Variants in PDE7A observed in about 807,000 individuals in gnomAD.
The protein encoded by PDE7A is high affinity 3',5'-cyclic-AMP phosphodiesterase 7A.
A neutral mutation model predicts 64.3 loss-of-function variants in PDE7A; 39 were observed. The observed-to-expected ratio is 0.61, with a 90% CI of 0.47 to 0.79. The LOEUF (loss-of-function observed/expected upper bound fraction) is 0.79. Ranked by LOEUF, PDE7A falls within the 30% of genes least tolerant of loss-of-function variation. The pLI is 0.00. For synonymous variants in PDE7A, 203 were observed against 206.8 expected (o/e 0.98, Z 0.16); for missense variants, 470 against 582.8 (o/e 0.81, Z 1.99).
At chr8:65,798,635 T>C (rs748926687) in intron 1 of PDE7A, among the ~76,000 whole-genome samples, 5 of 152,286 alleles carry the variant, frequency 3.3e-5, no homozygotes, top group Non-Finnish European at 5.9e-5. Context: ...GCTCAACATG[T>C]TTAATCATCA....
At position 65,754,820 on chromosome 8, in the gene PDE7A, C is replaced by T. The variant is rs544338058; in HGVS notation, c.284-7017G>A. ...TCTCTACTAAAAATACAAAAATAAG[C>T]TGGGCATGGTGGCATGCACCTGTAG... On this transcript the variant is annotated intron_variant, in intron 3 of 12. Coordinates refer to ENST00000401827, the MANE Select transcript of PDE7A (RefSeq NM_001242318.3). Among the ~76,000 whole-genome samples the T allele has an allele frequency of 5.4e-5, 8 of 149,240 alleles. No homozygotes were observed. The East Asian group carries it at 1.1e-3, about 20-fold the overall frequency.
At chr8:65,815,238 A>C (rs1810372211) in intron 1 of PDE7A, among the ~76,000 whole-genome samples, 1 of 152,232 alleles carries the variant, frequency 6.6e-6, no homozygotes, top group Non-Finnish European at 1.5e-5. Context: ...CCAGCTTTCG[A>C]GAGTTTAAAC....
chr8:65,771,589 C>T (rs753983690), intron 3 of PDE7A, among the ~76,000 whole-genome samples: 2 of 151,968 alleles, frequency 1.3e-5, no homozygotes, highest in Non-Finnish European at 2.9e-5. Context: ...GCTGGGCGCA[C>T]GCAGTGGCTC....
intron 3 of PDE7A, among the ~76,000 whole-genome samples, chr8:65,752,909 G>A (rs560018366): frequency 5.0e-4 from 76 of 151,794 alleles, no homozygotes; most frequent in Middle Eastern, 6.8e-3. Flanking sequence ...CTATCTTGTC[G>A]CCTTCCAAAT....
chr8:65,816,031 C>T (rs942186163), intron 1 of PDE7A, among the ~76,000 whole-genome samples: 1 of 152,082 alleles, frequency 6.6e-6, no homozygotes, highest in African/African-American at 2.4e-5. Flanking sequence ...CACTCTCCTA[C>T]TTCATTTTGG....
intron 1 of PDE7A, among the ~76,000 whole-genome samples, chr8:65,788,525 C>T (rs907984521): frequency 2.6e-5 from 4 of 152,218 alleles, no homozygotes; most frequent in African/African-American, 9.6e-5. Context: ...AGTGTTATTA[C>T]ATTTTCTCCG....
chr8:65,780,452 T>G (rs1809382308), intron 2 of PDE7A, among the ~76,000 whole-genome samples: 1 of 152,238 alleles, frequency 6.6e-6, no homozygotes, highest in South Asian at 2.1e-4. Flanking sequence ...CTTTGGTCTT[T>G]GGAAGCTCAG....
rs376164224 is a variant in PDE7A at position 65,745,424 on chromosome 8, A to G, written c.482T>C (p.Phe161Ser). ...VGNWNFDIFL[F>S]DRLTNGNSLV... is the part of the protein sequence containing the mutation. ...TCACTTACCATTTGTTAGTCTATCA[A>G]ATAGAAAGATATCAAAATTCCAATT... The change falls in exon 5 of 13, where the codon TTT (phenylalanine) becomes TCT (serine). Residue 161 changes from phenylalanine to serine, a missense_variant. Physicochemically the swap from Phe to Ser is radical, Grantham distance 155. Transcript: ENST00000401827. 6.4e-7 allele frequency: 1 copy of G among 1,570,632 alleles called. No homozygotes were observed. Among genetic ancestry groups the G allele is most frequent in the Admixed American group, 1.7e-5 (1 of 59,942 alleles).
At chr8:65,835,979 T>C (rs1340146177) in intron 1 of PDE7A, among the ~76,000 whole-genome samples, 2 of 152,200 alleles carry the variant, frequency 1.3e-5, no homozygotes, top group Non-Finnish European at 2.9e-5. Flanking sequence ...TAAACATATA[T>C]TAGCTCAGAA....
At chr8:65,822,692 A>G (rs1810571552) in intron 1 of PDE7A, among the ~76,000 whole-genome samples, 1 of 152,174 alleles carries the variant, frequency 6.6e-6, no homozygotes, top group Admixed American at 6.5e-5. Flanking sequence ...AAGTCAAATA[A>G]ATCAGTAGAG....
intron 1 of PDE7A, among the ~76,000 whole-genome samples, chr8:65,802,056 C>T (rs990553960): frequency 1.3e-5 from 2 of 152,184 alleles, no homozygotes; most frequent in Admixed American, 6.5e-5. Context: ...ATGATCAACA[C>T]TCTACAAAGA....
chr8:65,818,276 GT>G (rs973748693), intron 1 of PDE7A, among the ~76,000 whole-genome samples: 8 of 150,970 alleles, frequency 5.3e-5, no homozygotes, highest in Non-Finnish European at 1.0e-4. Context: ...AATTTTTTTT[GT>G]TGTTAAACCT....
intron 1 of PDE7A, among the ~76,000 whole-genome samples, chr8:65,803,879 G>C (rs1176473371): frequency 1.3e-5 from 2 of 152,124 alleles, no homozygotes; most frequent in Admixed American, 6.5e-5. Context: ...TAGGACAGAG[G>C]ATACGATTGG....
At chr8:65,752,105 T>G (rs1006321425) in intron 3 of PDE7A, among the ~76,000 whole-genome samples, 1 of 152,268 alleles carries the variant, frequency 6.6e-6, no homozygotes, top group Non-Finnish European at 1.5e-5. Flanking sequence ...CAGCTTGAGA[T>G]ATCATCCTCT....
At chr8:65,791,522 A>G (rs966376622) in intron 1 of PDE7A, among the ~76,000 whole-genome samples, 1 of 152,200 alleles carries the variant, frequency 6.6e-6, no homozygotes, top group African/African-American at 2.4e-5. Context: ...GGGAACTTGC[A>G]CTGTGTTTGC....
chr8:65,830,284 T>A (rs752767393), intron 1 of PDE7A, among the ~76,000 whole-genome samples: 2 of 151,986 alleles, frequency 1.3e-5, no homozygotes, highest in African/African-American at 2.4e-5. Flanking sequence ...CTTTTTCAAA[T>A]CAAGGTGTCA....
rs1057461094 is a variant in PDE7A, at chr8:65,716,783, AT to A, written c.*2506del. ...CTATGTACTGAAACAGTGGGCCTGA[AT>A]TTTTAAGGATCTGAGTTATCAGACT... On this transcript the variant is annotated 3_prime_UTR_variant, in exon 13 of 13. Coordinates refer to ENST00000401827, the MANE Select transcript of PDE7A (RefSeq NM_001242318.3). 6.6e-6 allele frequency among the ~76,000 whole-genome samples: 1 copy of A among 152,014 alleles called. No homozygotes were observed.
intron 6 of PDE7A, among the ~76,000 whole-genome samples, chr8:65,738,575 G>A (rs561044624): frequency 3.3e-5 from 5 of 152,224 alleles, no homozygotes; most frequent in East Asian, 3.9e-4. Flanking sequence ...GATTACAGGC[G>A]TGCGCCACCA....
intron 7 of PDE7A, among the ~76,000 whole-genome samples, chr8:65,729,736 T>C (rs1806765500): frequency 6.6e-6 from 1 of 151,746 alleles, no homozygotes; most frequent in East Asian, 1.9e-4. Flanking sequence ...CTTTTTTTTT[T>C]TTTTGGTACT....
Sources: allele counts gnomAD v4.1 joint callset (sites outside exome capture counted in the v4.1 genomes callset), GRCh38; gene constraint gnomAD v4.1.1; transcripts MANE v1.5; gene names NCBI Gene and HGNC (gene_info 2026-07-23, HGNC 2026-07-21).